Variants in NCKAP5 observed in about 807,000 individuals in gnomAD.
NCKAP5 encodes nck-associated protein 5.
In NCKAP5, 92 loss-of-function variants were observed where a neutral mutation model predicts 167.0. The ratio of observed to expected loss-of-function variants is 0.55; its 90% CI spans 0.47 to 0.66. The LOEUF (loss-of-function observed/expected upper bound fraction) is 0.66, where lower values mean the gene tolerates loss of function less well. Among genes scored for constraint, NCKAP5 ranks in the 30% least tolerant of loss-of-function variants. NCKAP5 has a pLI of 0.00. For missense variants in NCKAP5, 2,378 were observed against 2,315.0 expected, an observed-to-expected ratio of 1.03 and a Z score of -0.56; for synonymous variants, 891 against 877.4, an observed-to-expected ratio of 1.02 and a Z score of -0.27.
chr2:133,345,050 T>A (rs1363277869), intron 3 of NCKAP5, among the ~76,000 whole-genome samples: 1 of 152,108 alleles, frequency 6.6e-6, no homozygotes, highest in African/African-American at 2.4e-5. Context: ...GATTCAGCCT[T>A]TAAGGGGCCC....
chr2:133,183,383 A>G (rs2150044551), intron 5 of NCKAP5, among the ~76,000 whole-genome samples: 1 of 152,316 alleles, frequency 6.6e-6, no homozygotes, highest in African/African-American at 2.4e-5. Flanking sequence ...AACAGAATTC[A>G]GTAATACATA....
At chr2:133,299,518 G>A (rs1369490322) in intron 4 of NCKAP5, among the ~76,000 whole-genome samples, 2 of 152,062 alleles carry the variant, frequency 1.3e-5, no homozygotes, top group African/African-American at 2.4e-5. Context: ...AGTCCAAGGC[G>A]GGTGGATCAC....
In NCKAP5 at chr2:132,876,229, T is replaced by C. The variant is rs774907103; in HGVS notation, c.648+2619A>G. On this transcript the variant is annotated intron_variant, in intron 9 of 19. Coordinates refer to ENST00000409261, the MANE Select transcript of NCKAP5 (RefSeq NM_207363.3). ...CCTCCCAAATAGCTGTGTCTACAGG[T>C]ACCTGCCACTACATTCGCCTAGGTT... Among the ~76,000 whole-genome samples the C allele has an allele frequency of 6.8e-4, 103 of 152,196 alleles. 1 individual carries two copies. The highest frequency in any genetic ancestry group is 1.3e-3 in the Non-Finnish European group (91 of 68,006).
intron 3 of NCKAP5, among the ~76,000 whole-genome samples, chr2:133,348,779 T>C (rs1684152967): frequency 6.6e-6 from 1 of 152,110 alleles, no homozygotes; most frequent in Non-Finnish European, 1.5e-5. Flanking sequence ...CCAGTAAAGG[T>C]GATTTATTTT....
chr2:132,827,123 T>C (rs1423975712), intron 11 of NCKAP5, among the ~76,000 whole-genome samples: 2 of 152,142 alleles, frequency 1.3e-5, no homozygotes, highest in African/African-American at 4.8e-5. Context: ...ATAGATATAG[T>C]CATGGAAAAA....
At chr2:133,180,593 C>T (rs1042100192) in intron 5 of NCKAP5, among the ~76,000 whole-genome samples, 1 of 152,090 alleles carries the variant, frequency 6.6e-6, no homozygotes, top group Non-Finnish European at 1.5e-5. Context: ...TCCGCCTTGG[C>T]CTCCCAAAGT....
chr2:133,251,087 A>C lies in NCKAP5; in HGVS notation c.144-37308T>G, dbSNP rs542890810. On this transcript the variant is annotated intron_variant, in intron 4 of 19. Coordinates refer to ENST00000409261, the MANE Select transcript of NCKAP5 (RefSeq NM_207363.3). ...ACATTCTTTAAAAATAAAAAAAAAA[A>C]CCCAGCATAACAGTAATAAGAAAAC... Among the ~76,000 whole-genome samples the C allele has an allele frequency of 1.7e-3, 252 of 151,952 alleles. 9 individuals carry two copies. In the South Asian group the frequency reaches 0.035, roughly 21 times the overall value.
chr2:132,945,514 C>T (rs879537897), intron 8 of NCKAP5, among the ~76,000 whole-genome samples: 2 of 151,798 alleles, frequency 1.3e-5, no homozygotes, highest in Non-Finnish European at 2.9e-5. Flanking sequence ...CAGCACGAAT[C>T]GATGGAAGTC....
chr2:133,639,301 A>C, the NCKAP5 span, among the ~76,000 whole-genome samples: 2 of 152,226 alleles, frequency 1.3e-5, no homozygotes, highest in Non-Finnish European at 2.9e-5. Context: ...ACAATCCAGC[A>C]ACTCTATTTC....
At chr2:133,524,967 TGA>T (rs1334948781) in intron 2 of NCKAP5, among the ~76,000 whole-genome samples, 1 of 152,174 alleles carries the variant, frequency 6.6e-6, no homozygotes, top group Non-Finnish European at 1.5e-5. Context: ...CATGAGTATA[TGA>T]GTGTATGTGT....
chr2:133,282,513 A>T (rs1243488321), intron 4 of NCKAP5, among the ~76,000 whole-genome samples: 2 of 152,218 alleles, frequency 1.3e-5, no homozygotes, highest in Non-Finnish European at 2.9e-5. Context: ...TTGGAAGATA[A>T]GGGGGATAAA....
chr2:133,539,335 T>A (rs963030630), intron 2 of NCKAP5, among the ~76,000 whole-genome samples: 8 of 152,034 alleles, frequency 5.3e-5, no homozygotes, highest in Non-Finnish European at 1.0e-4. Flanking sequence ...CATCCATAAA[T>A]CCTCTAGGTG....
At chr2:133,132,458 C>G (rs2082636281) in intron 5 of NCKAP5, among the ~76,000 whole-genome samples, 1 of 143,160 alleles carries the variant, frequency 7.0e-6, no homozygotes, top group African/African-American at 2.7e-5. Context: ...TTTATTTATG[C>G]CTTTTAAAAC....
chr2:133,491,286 A>C (rs914706802), intron 3 of NCKAP5, among the ~76,000 whole-genome samples: 2 of 152,188 alleles, frequency 1.3e-5, no homozygotes, highest in Non-Finnish European at 2.9e-5. Context: ...TCCGGGAATG[A>C]CCATTGTTCT....
At chr2:133,311,022 A>C (rs1681197017) in intron 3 of NCKAP5, among the ~76,000 whole-genome samples, 2 of 152,218 alleles carry the variant, frequency 1.3e-5, no homozygotes. Context: ...ACAATTCTCC[A>C]GCAGACACCA....
intron 3 of NCKAP5, among the ~76,000 whole-genome samples, chr2:133,369,858 G>T (rs1307740978): frequency 6.6e-6 from 1 of 152,180 alleles, no homozygotes; most frequent in Non-Finnish European, 1.5e-5. Context: ...GTCTGCTTAG[G>T]CATTCTATAT....
At chr2:133,307,508 T>C (rs552137484) in intron 3 of NCKAP5, among the ~76,000 whole-genome samples, 3 of 149,226 alleles carry the variant, frequency 2.0e-5, no homozygotes, top group Non-Finnish European at 3.0e-5. Context: ...AAAAAAATAG[T>C]GAAGAAAAAA....
At chr2:133,573,038 G>A (rs1688923119), upstream of NCKAP5, among the ~76,000 whole-genome samples, 1 of 152,142 alleles carries the variant, frequency 6.6e-6, no homozygotes, top group South Asian at 2.1e-4. Flanking sequence ...ACTTACAATA[G>A]ATCATATCTG....
intron 3 of NCKAP5, among the ~76,000 whole-genome samples, chr2:133,409,361 T>C (rs1688635605): frequency 6.6e-6 from 1 of 152,208 alleles, no homozygotes; most frequent in African/African-American, 2.4e-5. Context: ...ACGCTAAACA[T>C]CTCAGAGGCA....
Sources: gnomAD v4.1 joint callset for allele counts (sites outside exome capture counted in the v4.1 genomes callset) on GRCh38, gnomAD v4.1.1 for gene constraint, MANE v1.5 for transcripts, NCBI Gene and HGNC (gene_info 2026-07-23, HGNC 2026-07-21) for gene names.